SOCS3: variants seen among roughly 807,000 people sequenced by gnomAD.
SOCS3 encodes the protein STAT-induced STAT inhibitor 3.
SOCS3 carries 5 observed loss-of-function variants against 11.7 expected under a neutral mutation model. The observed-to-expected ratio is 0.43, with a 90% CI of 0.22 to 0.90. The LOEUF is 0.90. SOCS3 is among the 40% of genes least tolerant of loss of function. SOCS3 has a pLI of 0.27. For synonymous variants in SOCS3, 143 were observed against 136.3 expected, an observed-to-expected ratio of 1.05 and a Z score of -0.34; for missense variants, 203 against 302.0, an observed-to-expected ratio of 0.67 and a Z score of 2.43.
chr17:78,359,121 CGCGGCGGCG>C lies in SOCS3; in HGVS notation c.-35_-27del. On this transcript the variant is annotated 5_prime_UTR_variant, in exon 2 of 2. Transcript: ENST00000330871. ...GGCGCACGGAGCCAGCGTGGATCTG[CGCGGCGGCG>C]GCTGCAGCTGCTTCGCGGCCTCCGC... 1 of 1,531,520 alleles carries C rather than the reference CGCGGCGGCG, an allele frequency of 6.5e-7. No individual in the cohort carries two copies. 94.9% of individuals were successfully genotyped at this position (1,531,520 alleles called of 1,614,324 possible). A position where few individuals can be genotyped will look rare whatever the true frequency, so the allele number is the denominator to read the frequency against.
rs2081597916 is a variant in SOCS3, at chr17:78,359,886, G to C, written c.-225C>G. 6.3e-6 allele frequency: 1 copy of C among 158,936 alleles called. No individual in the cohort carries two copies. 9.8% of individuals were successfully genotyped at this position (158,936 alleles called of 1,614,324 possible). ...CCGTGAAGTCCACAAAGGAGCCTTC[G>C]CGCGCGCGTCCCTCGAGCTTCCCCT... On this transcript the variant is annotated 5_prime_UTR_variant, in exon 1 of 2. Transcript: ENST00000330871.
chr17:78,359,568 A>G (rs1349115028), intron 1 of SOCS3, among the ~76,000 whole-genome samples, 182 bp downstream of exon 1: 1 of 151,970 alleles, frequency 6.6e-6, no homozygotes, highest in African/African-American at 2.4e-5. Flanking sequence ...TAGGGAGGGG[A>G]CAGGAGAAGC....
In SOCS3 at chr17:78,357,978, C is replaced by G. The variant is rs563498522; in HGVS notation, c.*440G>C. The G allele has an allele frequency of 2.2e-5, 4 of 179,514 alleles. No homozygotes were observed. The highest frequency in any genetic ancestry group is 1.7e-4 in the Admixed American group (3 of 17,864). 11.1% of individuals were successfully genotyped at this position (179,514 alleles called of 1,614,324 possible). ...GCCCTGGGGCCCTCAGGACCTCTCT[C>G]TCTTCCACCTTTCCCAGGCTCCACA... On this transcript the variant is annotated 3_prime_UTR_variant, in exon 2 of 2. Coordinates refer to ENST00000330871, the MANE Select transcript of SOCS3 (RefSeq NM_003955.5). The surrounding 1 kb of genome is among the most constrained non-coding windows in gnomAD (Gnocchi z 7.0).
upstream of SOCS3, chr17:78,360,862 G>T (rs922438406): frequency 2.0e-5 from 3 of 152,484 alleles, no homozygotes; most frequent in Non-Finnish European, 2.9e-5. This position sits in a 1 kb window ranked among gnomAD's most constrained non-coding sequence, Gnocchi z 5.6. Context: ...AAACCTGGTT[G>T]GTCCGGTGTG....
chr17:78,359,522 C>A (rs1469799269), intron 1 of SOCS3, among the ~76,000 whole-genome samples: 9 of 152,046 alleles, frequency 5.9e-5, no homozygotes, highest in Non-Finnish European at 1.5e-5. Flanking sequence ...TAGCCCCGGG[C>A]GGTGTGGACG....
At position 78,358,632 on chromosome 17, in the gene SOCS3, G is replaced by A. The variant is rs2081586462; in HGVS notation, c.464C>T (p.Pro155Leu). ...SEVPEQPSAQ[P>L]LPGSPPRRAY... ...TCTTCTGGGGGGACTCCCAGGGAGT[G>A]GCTGGGCAGACGGCTGCTCGGGCAC... Residue 155 changes from proline to leucine, a missense_variant, in exon 2 of 2, where the codon CCA (proline) becomes CTA (leucine). Transcript: ENST00000330871. The surrounding 1 kb of genome is among the most constrained non-coding windows in gnomAD (Gnocchi z 4.7). 3 of 1,607,568 alleles carry A rather than the reference G, an allele frequency of 1.9e-6. No homozygotes were observed. Among genetic ancestry groups the A allele is most frequent in the Non-Finnish European group, 2.6e-6 (3 of 1,175,974 alleles).
rs1238429664 is a variant in SOCS3, at chr17:78,358,485, T to C, written c.611A>G (p.Tyr204Cys). 7 of 1,613,702 alleles carry C rather than the reference T, an allele frequency of 4.3e-6. No individual in the cohort carries two copies. The highest frequency in any genetic ancestry group is 4.5e-5 in the East Asian group (2 of 44,870). Residue 204 changes from tyrosine (Y) to cysteine (C), a missense_variant, in exon 2 of 2, where the codon TAT (tyrosine) becomes TGT (cysteine). Coordinates refer to ENST00000330871, the MANE Select transcript of SOCS3 (RefSeq NM_003955.5). The surrounding 1 kb of genome is among the most constrained non-coding windows in gnomAD (Gnocchi z 4.7). ...CCCCGGCAGCTGGGTGACTTTCTCA[T>C]AGGAGTCCAGGTGGCCGTTGACGGT... is the stretch of plus-strand genomic sequence containing the variant. ...RKTVNGHLDSYEKVTQLPGPI... is the reference protein window; with the variant it reads ...RKTVNGHLDSCEKVTQLPGPI...
In SOCS3 at chr17:78,359,162, G is replaced by A. The variant is rs1435690790; in HGVS notation, c.-67C>T. The stretch of plus-strand genomic sequence containing the variant: ...GCTGCTTCGCGGCCTCCGCACAGCG[G>A]CCGCTACCGCATCCCGGGGGGCTGC... On this transcript the variant is annotated 5_prime_UTR_variant, in exon 2 of 2. Transcript: ENST00000330871. 6 of 1,467,540 alleles carry A rather than the reference G, an allele frequency of 4.1e-6. No individual in the cohort carries two copies. Among genetic ancestry groups the A allele is most frequent in the Non-Finnish European group, 5.5e-6 (6 of 1,098,164 alleles). 90.9% of individuals were successfully genotyped at this position (1,467,540 alleles called of 1,614,324 possible).
chr17:78,358,528 G>T lies in SOCS3; in HGVS notation c.568C>A (p.Gln190Lys), dbSNP rs764316654. ...RPLSSNVATL[Q>K]HLCRKTVNGH... ...TTGACGGTCTTCCGACAGAGATGCT[G>T]AAGAGTGGCCACGTTGGAGGAGAGG... Residue 190 changes from glutamine to lysine, a missense_variant, in exon 2 of 2, where the codon CAG (glutamine) becomes AAG (lysine). By Grantham distance (53) the Gln-to-Lys change is moderately conservative. Around this residue, in one of 3 missense-constraint regions of SOCS3, gnomAD observed 141 missense variants for 200.5 expected, o/e 0.70. Transcript: ENST00000330871. This position sits in a 1 kb window ranked among gnomAD's most constrained non-coding sequence, Gnocchi z 4.7. 6.2e-7 allele frequency: 1 copy of T among 1,613,680 alleles called. No homozygotes were observed. Among genetic ancestry groups the T allele is most frequent in the Admixed American group, 1.7e-5 (1 of 60,010 alleles).
Position 78,358,688 on chromosome 17 carries a change from G to C in SOCS3, c.408C>G (p.Phe136Leu), listed in dbSNP as rs17849241. Residue 136 changes from phenylalanine to leucine, a missense_variant, in exon 2 of 2, where the codon TTC becomes TTG. Around this residue, in one of 3 missense-constraint regions of SOCS3, gnomAD observed 141 missense variants for 200.5 expected, o/e 0.70. Transcript: ENST00000330871. This position sits in a 1 kb window ranked among gnomAD's most constrained non-coding sequence, Gnocchi z 4.7. ...HYMPPPGAPS[F>L]PSPPTEPSSE... is the part of the protein sequence containing the mutation. The stretch of plus-strand genomic sequence containing the variant: ...AGGAGGGTTCAGTAGGTGGCGAGGG[G>C]AAGGAGGGGGCTCCAGGGGGCGGCA... 6.2e-7 allele frequency: 1 copy of C among 1,608,426 alleles called. No individual in the cohort carries two copies. Among genetic ancestry groups the C allele is most frequent in the East Asian group, 2.2e-5 (1 of 44,774 alleles).
At position 78,358,925 on chromosome 17, in the gene SOCS3, G is replaced by C; in HGVS notation, c.171C>G (p.Asn57Lys). Residue 57 changes from asparagine to lysine, a missense_variant, in exon 2 of 2, where the codon AAC (asparagine) becomes AAG (lysine). Asn to Lys is a moderately conservative substitution (Grantham distance 94). Transcript: ENST00000330871. This position sits in a 1 kb window ranked among gnomAD's most constrained non-coding sequence, Gnocchi z 4.7. The stretch of plus-strand genomic sequence containing the variant: ...CGGCGGGCTCGGCACTGAGCAGCAG[G>C]TTCGCCTCGCCGCCGGTCACTGCGC... ...YWSAVTGGEA[N>K]LLLSAEPAGT... 6.3e-7 allele frequency: 1 copy of C among 1,595,972 alleles called. No homozygotes were observed. Among genetic ancestry groups the C allele is most frequent in the Non-Finnish European group, 8.5e-7 (1 of 1,172,588 alleles).
In SOCS3 at chr17:78,358,718, G is replaced by A. The variant is rs757290342; in HGVS notation, c.378C>T (p.His126=). 6.8e-6 allele frequency: 11 copies of A among 1,611,252 alleles called. No homozygotes were observed. Among genetic ancestry groups the A allele is most frequent in the African/African-American group, 1.3e-5 (1 of 74,834 alleles). ...AGGGGGCTCCAGGGGGCGGCATGTA[G>A]TGGTGCACCAGCTTGAGCACGCAGT... ...RFDCVLKLVH[H]YMPPPGAPSF... The change falls in exon 2 of 2, where the codon CAC becomes CAT. Residue 126 remains histidine, a synonymous_variant. Coordinates refer to ENST00000330871, the MANE Select transcript of SOCS3 (RefSeq NM_003955.5). The surrounding 1 kb of genome is among the most constrained non-coding windows in gnomAD (Gnocchi z 4.7).
upstream of SOCS3, chr17:78,360,333 G>A (rs1038247710): frequency 6.6e-6 from 1 of 150,586 alleles, no homozygotes; most frequent in Admixed American, 6.6e-5. This position sits in a 1 kb window ranked among gnomAD's most constrained non-coding sequence, Gnocchi z 5.6. Flanking sequence ...CGCCAGCCCC[G>A]GCGGCGCGTT....
rs758595214 is a variant in SOCS3, at chr17:78,358,457, G to A, written c.639C>T (p.Pro213=). The A allele has an allele frequency of 1.2e-5, 19 of 1,613,676 alleles. No homozygotes were observed. Among genetic ancestry groups the A allele is most frequent in the Admixed American group, 3.3e-5 (2 of 60,010 alleles). ...CGTACTGGTCCAGGAACTCCCGAATGGGCCCCGGCAGCTGGGTGACTTTCT... is the reference window on the plus strand; with the variant it reads ...CGTACTGGTCCAGGAACTCCCGAATAGGCCCCGGCAGCTGGGTGACTTTCT... The part of the protein sequence containing the change: ...SYEKVTQLPG[P]IREFLDQYDA... Residue 213 remains proline (P), a synonymous_variant, in exon 2 of 2, where the codon CCC becomes CCT. Coordinates refer to ENST00000330871, the MANE Select transcript of SOCS3 (RefSeq NM_003955.5). The surrounding 1 kb of genome is among the most constrained non-coding windows in gnomAD (Gnocchi z 4.7).
Position 78,357,113 on chromosome 17 carries a change from C to CAAAAA in SOCS3, c.*1304_*1305insTTTTT, listed in dbSNP as rs78818634. On this transcript the variant is annotated 3_prime_UTR_variant, in exon 2 of 2. Transcript: ENST00000330871. This position sits in a 1 kb window ranked among gnomAD's most constrained non-coding sequence, Gnocchi z 7.0. ...TTGTGTTTGTTTAGTTGCCCCCCCCCACAAAAACAAAAACAAAAACAAAAA... is the reference window on the plus strand; with the variant it reads ...TTGTGTTTGTTTAGTTGCCCCCCCCCAAAAAACAAAAACAAAAACAAAAACAAAAA... The CAAAAA allele has an allele frequency of 6.6e-6, 1 of 152,174 alleles. No homozygotes were observed. The highest frequency in any genetic ancestry group is 1.5e-5 in the Non-Finnish European group (1 of 68,110). 9.4% of individuals were successfully genotyped at this position (152,174 alleles called of 1,614,324 possible). A position where few individuals can be genotyped will look rare whatever the true frequency, so the allele number is the denominator to read the frequency against.
chr17:78,360,007 C>T lies in SOCS3; in HGVS notation c.-346G>A. ...GGGCCGCGGCGGGAGCTGGGCCGGG[C>T]GGGCGGCTGGCGGCTGGCTGCGTGC... On this transcript the variant is annotated 5_prime_UTR_variant, in exon 1 of 2. Coordinates refer to ENST00000330871, the MANE Select transcript of SOCS3 (RefSeq NM_003955.5). This position sits in a 1 kb window ranked among gnomAD's most constrained non-coding sequence, Gnocchi z 5.6. The T allele has an allele frequency of 5.0e-6, 1 of 201,668 alleles. No individual in the cohort carries two copies. The highest frequency in any genetic ancestry group is 1.0e-5 in the Non-Finnish European group (1 of 98,514). The allele number at this position is 201,668 out of a possible 1,614,324, so 12.5% of individuals were successfully genotyped here. A position where few individuals can be genotyped will look rare whatever the true frequency, so the allele number is the denominator to read the frequency against.
chr17:78,360,427 G>A (rs2081603802), upstream of SOCS3: 2 of 144,526 alleles, frequency 1.4e-5, no homozygotes, highest in Non-Finnish European at 3.0e-5. This position sits in a 1 kb window ranked among gnomAD's most constrained non-coding sequence, Gnocchi z 5.6. Flanking sequence ...CTTCTAAGAA[G>A]GCTGATTTCT....
At chr17:78,360,396 A>G (rs1302190027), upstream of SOCS3, 1 of 134,104 alleles carries the variant, frequency 7.5e-6, no homozygotes, top group Admixed American at 7.3e-5. The surrounding 1 kb of genome is among the most constrained non-coding windows in gnomAD (Gnocchi z 5.6). Flanking sequence ...TCTCATTCAC[A>G]CTTTCCCCCC....
rs1359418791 is a variant in SOCS3 at position 78,358,319 on chromosome 17, ACT to A, written c.*97_*98del. ...CCCTCTTTCCCCCCAGAGCTACAGG[ACT>A]CTCTCCTGGTTGGCTTCTTGTGCTT... On this transcript the variant is annotated 3_prime_UTR_variant, in exon 2 of 2. Transcript: ENST00000330871. The surrounding 1 kb of genome is among the most constrained non-coding windows in gnomAD (Gnocchi z 4.7). 3 of 1,134,328 alleles carry A rather than the reference ACT, an allele frequency of 2.6e-6. No homozygotes were observed. Among genetic ancestry groups the A allele is most frequent in the Admixed American group, 1.9e-5 (1 of 52,222 alleles). The allele number at this position is 1,134,328 out of a possible 1,614,324, so 70.3% of individuals were successfully genotyped here.
Sources: gnomAD v4.1 joint callset for allele counts (sites outside exome capture counted in the v4.1 genomes callset) on GRCh38, gnomAD v4.1.1 for gene constraint, gnomAD v4.1.1 regional missense constraint, Gnocchi (gnomAD v3.1) non-coding constraint, MANE v1.5 for transcripts, NCBI Gene and HGNC (gene_info 2026-07-23, HGNC 2026-07-21) for gene names.